PAK5: variants seen among roughly 807,000 people sequenced by gnomAD.
The protein encoded by PAK5 is p21 (RAC1) activated kinase 5.
Under a neutral mutation model 65.9 loss-of-function variants are expected in PAK5, and 16 were observed. The ratio of observed to expected loss-of-function variants is 0.24; its 90% confidence interval spans 0.16 to 0.37. PAK5 has a LOEUF of 0.37. Among genes scored for constraint, PAK5 ranks in the 10% least tolerant of loss-of-function variants. PAK5 has a pLI of 1.00. For missense variants in PAK5, 785 were observed against 903.9 expected, an observed-to-expected ratio of 0.87 and a Z score of 1.69; for synonymous variants, 371 against 354.9, an observed-to-expected ratio of 1.05 and a Z score of -0.51.
At chr20:9,693,054 A>G (rs939747796) in intron 2 of PAK5, among the ~76,000 whole-genome samples, 1 of 152,146 alleles carries the variant, frequency 6.6e-6, no homozygotes, top group Non-Finnish European at 1.5e-5. Flanking sequence ...ATTATAATAT[A>G]TTTCCACTTT....
At chr20:9,734,251 A>G (rs78081662) in intron 1 of PAK5, among the ~76,000 whole-genome samples, 2,488 of 152,316 alleles carry the variant, frequency 0.016, 24 homozygotes, top group Middle Eastern at 0.044. Flanking sequence ...GTTTACAAGA[A>G]GCTCTATATT....
intron 1 of PAK5, among the ~76,000 whole-genome samples, chr20:9,759,886 C>A (rs1355809462): frequency 1.3e-5 from 2 of 152,134 alleles, no homozygotes; most frequent in Non-Finnish European, 2.9e-5. Flanking sequence ...CATATACCAA[C>A]CATCTCATTC....
At chr20:9,571,060 G>T (rs1272424558) in intron 4 of PAK5, among the ~76,000 whole-genome samples, 1 of 152,216 alleles carries the variant, frequency 6.6e-6, no homozygotes, top group Non-Finnish European at 1.5e-5. Flanking sequence ...CTGGTAAGAG[G>T]TACAGACTCT....
At chr20:9,702,215 A>T (rs2206475) in intron 2 of PAK5, among the ~76,000 whole-genome samples, 37,082 of 151,984 alleles carry the variant, frequency 0.24, 5,047 homozygotes, top group East Asian at 0.37. Flanking sequence ...GCCCTGGGCA[A>T]TGGGAGGCAG....
chr20:9,755,651 C>T (rs1242554880), intron 1 of PAK5, among the ~76,000 whole-genome samples: 2 of 152,142 alleles, frequency 1.3e-5, no homozygotes, highest in African/African-American at 4.8e-5. Context: ...CACAACCCTC[C>T]TAACTAGACA....
chr20:9,625,060 C>T (rs2046824403), intron 3 of PAK5, among the ~76,000 whole-genome samples: 1 of 152,110 alleles, frequency 6.6e-6, no homozygotes, highest in Non-Finnish European at 1.5e-5. Context: ...ACTACCACTA[C>T]CACCACTGCC....
intron 3 of PAK5, among the ~76,000 whole-genome samples, chr20:9,597,839 C>T (rs550761398): frequency 8.5e-5 from 13 of 152,320 alleles, no homozygotes; most frequent in African/African-American, 3.1e-4. Context: ...CTAGGCCAGC[C>T]AGCCTCTAGC....
Position 9,838,543 on chromosome 20 carries a change from G to A in PAK5, c.-162+219C>T, listed in dbSNP as rs1979343659. Among the ~76,000 whole-genome samples, 2 of 152,174 alleles carry A rather than the reference G, an allele frequency of 1.3e-5. No homozygotes were observed. Among genetic ancestry groups the A allele is most frequent in the African/African-American group, 4.8e-5 (2 of 41,460 alleles). On this transcript the variant is annotated intron_variant, in intron 1 of 9. Transcript: ENST00000353224. This position sits in a 1 kb window ranked among gnomAD's most constrained non-coding sequence, Gnocchi z 4.5. Reference sequence around the variant, plus strand: ...GAGCCCAGGCTGGATAGTAGCGCATGGGTTGAGGGTGGGCGGTCCCCTATC... The same window carrying A: ...GAGCCCAGGCTGGATAGTAGCGCATAGGTTGAGGGTGGGCGGTCCCCTATC...
At position 9,580,292 on chromosome 20, in the gene PAK5, G is replaced by A. The variant is rs770411373; in HGVS notation, c.843C>T (p.Thr281=). 6.2e-7 allele frequency: 1 copy of A among 1,614,166 alleles called. No individual in the cohort carries two copies. The highest frequency in any genetic ancestry group is 1.1e-5 in the South Asian group (1 of 91,086). ...AGCCTGACCTGGACCTCTGCCGCAT[G>A]GTGGGCTGAGGGCTTGTCTGATTCA... ...SYLNQTSPQP[T]MRQRSRSGSG... Residue 281 remains threonine (T), a synonymous_variant, in exon 4 of 10, where the codon ACC becomes ACT. Transcript: ENST00000353224.
chr20:9,541,451 C>T (rs190151333), intron 9 of PAK5, among the ~76,000 whole-genome samples: 3 of 152,160 alleles, frequency 2.0e-5, no homozygotes, highest in African/African-American at 7.2e-5. Flanking sequence ...TTAACCATGA[C>T]CTTCATTGCC....
intron 8 of PAK5, among the ~76,000 whole-genome samples, chr20:9,543,550 G>A (rs1207876017): frequency 1.3e-5 from 2 of 152,018 alleles, no homozygotes; most frequent in Non-Finnish European, 2.9e-5. Context: ...AAGCAAACAA[G>A]AGAAAGAGAA....
rs1404266114 is a variant in PAK5 at position 9,566,515 on chromosome 20, C to T, written c.991-131G>A. ...GGGAGATGAGAGGATCTGGCTGGGG[C>T]ACCAACAGGACCGGCCACACCTAGG... On this transcript the variant is annotated intron_variant, in intron 4 of 9. Transcript: ENST00000353224. The T allele has an allele frequency of 2.0e-5, 18 of 882,312 alleles. No homozygotes were observed. The Middle Eastern group carries it at 9.6e-4, about 47-fold the overall frequency. 54.7% of individuals were successfully genotyped at this position (882,312 alleles called of 1,614,324 possible).
chr20:9,808,042 CAA>C (rs2049254480), intron 1 of PAK5, among the ~76,000 whole-genome samples: 1 of 151,956 alleles, frequency 6.6e-6, no homozygotes, highest in Non-Finnish European at 1.5e-5. Context: ...GTAAAACGGA[CAA>C]AGAGACAAGA....
At chr20:9,540,111 T>G (rs6077561) in intron 9 of PAK5, among the ~76,000 whole-genome samples, 2 of 151,938 alleles carry the variant, frequency 1.3e-5, no homozygotes. Context: ...AAGGTATATC[T>G]TACTTTATGT....
chr20:9,759,487 G>C (rs115310928), intron 1 of PAK5, among the ~76,000 whole-genome samples: 2 of 152,140 alleles, frequency 1.3e-5, no homozygotes, highest in Admixed American at 1.3e-4. Flanking sequence ...CAGAATTTAA[G>C]GGAGAGATTG....
chr20:9,713,640 A>C (rs992425915), intron 1 of PAK5, among the ~76,000 whole-genome samples: 1 of 152,084 alleles, frequency 6.6e-6, no homozygotes, highest in Non-Finnish European at 1.5e-5. Flanking sequence ...AGAATAGATA[A>C]AGAAAATGTG....
chr20:9,662,063 T>C (rs1212200966), intron 2 of PAK5, among the ~76,000 whole-genome samples: 1 of 152,198 alleles, frequency 6.6e-6, no homozygotes, highest in African/African-American at 2.4e-5. Context: ...TCTTTTACTA[T>C]GATTCTTGAA....
chr20:9,619,877 C>T (rs1170629421), intron 3 of PAK5, among the ~76,000 whole-genome samples: 3 of 152,228 alleles, frequency 2.0e-5, no homozygotes, highest in South Asian at 4.1e-4. Flanking sequence ...TCAGTGCTCT[C>T]AGACAATCAT....
intron 3 of PAK5, among the ~76,000 whole-genome samples, chr20:9,583,968 T>G (rs915999719): frequency 3.9e-5 from 6 of 152,234 alleles, no homozygotes; most frequent in Non-Finnish European, 5.9e-5. Flanking sequence ...CTATTCCTTT[T>G]TTATTCCATA....
Sources: gnomAD v4.1 joint callset for allele counts (sites outside exome capture counted in the v4.1 genomes callset) on GRCh38, gnomAD v4.1.1 for gene constraint, Gnocchi (gnomAD v3.1) non-coding constraint, MANE v1.5 for transcripts, NCBI Gene and HGNC (gene_info 2026-07-23, HGNC 2026-07-21) for gene names.